Variants in PRKCB observed in about 807,000 individuals in gnomAD.
PRKCB encodes protein kinase C beta type.
Under a neutral mutation model 81.5 loss-of-function variants are expected in PRKCB, and 13 were observed. That is an observed-to-expected ratio of 0.16 (90% CI 0.10 to 0.25). The LOEUF (loss-of-function observed/expected upper bound fraction) is 0.25. PRKCB is among the 10% of genes least tolerant of loss of function. PRKCB has a pLI of 1.00. For synonymous variants in PRKCB, 335 were observed against 321.4 expected (o/e 1.04, Z -0.45); for missense variants, 509 against 875.7 (o/e 0.58, Z 5.29).
At chr16:24,170,821 G>A (rs1967430453) in intron 10 of PRKCB, among the ~76,000 whole-genome samples, 1 of 152,172 alleles carries the variant, frequency 6.6e-6, no homozygotes, top group South Asian at 2.1e-4. Flanking sequence ...TCCCTCTCTG[G>A]GCACCTGCTA....
chr16:24,120,165 A>G (rs796910852), intron 8 of PRKCB, among the ~76,000 whole-genome samples: 2 of 152,318 alleles, frequency 1.3e-5, no homozygotes, highest in South Asian at 2.1e-4. Flanking sequence ...TATGGGATAG[A>G]AACTGGAACA....
In PRKCB at chr16:24,215,107, A is replaced by G. The variant is rs780448620; in HGVS notation, c.*291A>G. On this transcript the variant is annotated 3_prime_UTR_variant, in exon 17 of 17. Transcript: ENST00000643927. Reference sequence around the variant, plus strand: ...AGCTAAGTAGACCCAATGGGGAGAGAAAATGCCTGCTTTCTTTCCCTCTTT... The same window carrying G: ...AGCTAAGTAGACCCAATGGGGAGAGGAAATGCCTGCTTTCTTTCCCTCTTT... 13 of 1,116,966 alleles carry G rather than the reference A, an allele frequency of 1.2e-5. No homozygotes were observed. Among genetic ancestry groups the G allele is most frequent in the Non-Finnish European group, 1.3e-5 (12 of 910,142 alleles). 69.2% of individuals were successfully genotyped at this position (1,116,966 alleles called of 1,614,324 possible).
chr16:23,987,124 G>A (rs1365501528), intron 2 of PRKCB, among the ~76,000 whole-genome samples: 1 of 151,876 alleles, frequency 6.6e-6, no homozygotes, highest in East Asian at 1.9e-4. Flanking sequence ...TCCAAACAAG[G>A]TCCACATGTT....
At chr16:23,949,803 C>T (rs1040024476) in intron 2 of PRKCB, among the ~76,000 whole-genome samples, 1 of 152,108 alleles carries the variant, frequency 6.6e-6, no homozygotes, top group African/African-American at 2.4e-5. Flanking sequence ...CATTCTTATC[C>T]CCATTTTACA....
chr16:23,982,091 TTTCCTTTTCCC>T (rs1964734478), intron 2 of PRKCB, among the ~76,000 whole-genome samples: 1 of 29,280 alleles, frequency 3.4e-5, no homozygotes, highest in African/African-American at 1.9e-4. Context: ...TTCCCTTCCC[TTTCCTTTTCCC>T]TTCCCTTCCC....
Position 24,220,150 on chromosome 16 carries a change from G to A in PRKCB, c.*5334G>A. 6.2e-7 allele frequency: 1 copy of A among 1,611,432 alleles called. No homozygotes were observed. The highest frequency in any genetic ancestry group is 8.5e-7 in the Non-Finnish European group (1 of 1,178,148). On this transcript the variant is annotated 3_prime_UTR_variant, in exon 17 of 17. Transcript: ENST00000643927. ...CTCCATCGTTGAGCCTGGGGTGTAA[G>A]ACTTCAAGCCAAGCGTATGTATCAA...
In PRKCB at chr16:23,988,600, G is replaced by A; in HGVS notation, c.288+10G>A. 1 of 1,611,924 alleles carries A rather than the reference G, an allele frequency of 6.2e-7. No homozygotes were observed. The highest frequency in any genetic ancestry group is 8.5e-7 in the Non-Finnish European group (1 of 1,178,070). ...GGGTCCAGCCTCCGATGTAAGTAAT[G>A]GGCATCGATTGCTTTTCTCTGTCCA... On this transcript the variant is annotated intron_variant, in intron 3 of 16. Transcript: ENST00000643927.
At chr16:24,150,255 C>T (rs1380337586) in intron 9 of PRKCB, among the ~76,000 whole-genome samples, 1 of 152,040 alleles carries the variant, frequency 6.6e-6, no homozygotes, top group Admixed American at 6.6e-5. Flanking sequence ...TGCTTGAACT[C>T]GGGAGGAGGT....
intron 5 of PRKCB, among the ~76,000 whole-genome samples, chr16:24,065,405 G>A (rs1395329787): frequency 6.6e-6 from 1 of 151,722 alleles, no homozygotes; most frequent in Non-Finnish European, 1.5e-5. Context: ...ATTGCAATAT[G>A]CATCTTTGGA....
intron 16 of PRKCB, among the ~76,000 whole-genome samples, chr16:24,206,351 A>G (rs1195563488): frequency 6.6e-6 from 1 of 152,152 alleles, no homozygotes; most frequent in Admixed American, 6.6e-5. Context: ...AAAAAGAAAG[A>G]TGCGCTTGTC....
Position 23,923,683 on chromosome 16 carries a change from C to G in PRKCB, c.206-64825C>G, listed in dbSNP as rs114601195. ...AATCTTCAGTTACTAACATGCTACCCCCAAAATGGTGTGTTTGTGCAGCTC... is the reference window on the plus strand; with the variant it reads ...AATCTTCAGTTACTAACATGCTACCGCCAAAATGGTGTGTTTGTGCAGCTC... On this transcript the variant is annotated intron_variant, in intron 2 of 16. Transcript: ENST00000643927. Among the ~76,000 whole-genome samples, 306 of 152,152 alleles carry G rather than the reference C, an allele frequency of 2.0e-3. 1 individual carries two copies. The highest frequency in any genetic ancestry group is 6.8e-3 in the African/African-American group (282 of 41,538).
At chr16:23,925,260 G>A (rs1008411556) in intron 2 of PRKCB, among the ~76,000 whole-genome samples, 3 of 152,066 alleles carry the variant, frequency 2.0e-5, no homozygotes, top group African/African-American at 4.8e-5. Context: ...TTTGCCTGGA[G>A]TGCCCTACAA....
intron 2 of PRKCB, among the ~76,000 whole-genome samples, chr16:23,927,261 G>C (rs1038821863): frequency 6.6e-6 from 1 of 152,028 alleles, no homozygotes; most frequent in Non-Finnish European, 1.5e-5. Context: ...AAGGGGGAGA[G>C]TGCTCCAGGC....
At chr16:24,032,306 C>T in intron 4 of PRKCB, 59 bp downstream of exon 4, 2 of 1,293,918 alleles carry the variant, frequency 1.5e-6, no homozygotes, top group Non-Finnish European at 2.2e-6. Flanking sequence ...GGAAGGGCTG[C>T]TTCCACTTGG....
intron 2 of PRKCB, among the ~76,000 whole-genome samples, chr16:23,866,808 G>C (rs368065891): frequency 2.0e-5 from 3 of 152,138 alleles, no homozygotes; most frequent in Non-Finnish European, 4.4e-5. Context: ...GTGTGTTTCC[G>C]TCTCACTGCA....
chr16:24,220,140 T>C lies in PRKCB; in HGVS notation c.*5324T>C. On this transcript the variant is annotated 3_prime_UTR_variant, in exon 17 of 17. Coordinates refer to ENST00000643927, the MANE Select transcript of PRKCB (RefSeq NM_002738.7). ...TGAATGCAAACTCCATCGTTGAGCC[T>C]GGGGTGTAAGACTTCAAGCCAAGCG... is the stretch of plus-strand genomic sequence containing the variant. 1 of 1,613,386 alleles carries C rather than the reference T, an allele frequency of 6.2e-7. No homozygotes were observed. The highest frequency in any genetic ancestry group is 8.5e-7 in the Non-Finnish European group (1 of 1,179,538).
chr16:24,138,820 A>G (rs1439907345), intron 9 of PRKCB, among the ~76,000 whole-genome samples: 1 of 144,262 alleles, frequency 6.9e-6, no homozygotes, highest in Non-Finnish European at 1.5e-5. Flanking sequence ...TAGATTCCAC[A>G]TATGTGAGAT....
At chr16:24,115,826 C>T (rs1047542323) in intron 8 of PRKCB, among the ~76,000 whole-genome samples, 2 of 152,022 alleles carry the variant, frequency 1.3e-5, no homozygotes, top group African/African-American at 2.4e-5. Context: ...CCTGGGTTCA[C>T]GCCATTCTCC....
At chr16:24,197,915 A>G (rs1370253835) in intron 16 of PRKCB, among the ~76,000 whole-genome samples, 3 of 152,178 alleles carry the variant, frequency 2.0e-5, no homozygotes, top group East Asian at 1.9e-4. Flanking sequence ...GGATGAATGA[A>G]TGAAATAGAT....
Sources: gnomAD v4.1 joint callset for allele counts (sites outside exome capture counted in the v4.1 genomes callset) on GRCh38, gnomAD v4.1.1 for gene constraint, MANE v1.5 for transcripts, NCBI Gene and HGNC (gene_info 2026-07-23, HGNC 2026-07-21) for gene names.